CLSTN3: variants seen among roughly 807,000 people sequenced by gnomAD.
CLSTN3 encodes calsyntenin-3.
CLSTN3 carries 36 observed loss-of-function variants against 95.9 expected under a neutral mutation model. That is an observed-to-expected ratio of 0.38 (90% CI 0.29 to 0.50). The LOEUF (loss-of-function observed/expected upper bound fraction) is 0.50, where lower values mean the gene tolerates loss of function less well. CLSTN3 is among the 20% of genes least tolerant of loss of function. CLSTN3 has a pLI of 0.95. For missense variants in CLSTN3, 1,084 were observed against 1,268.8 expected (o/e 0.85, Z 2.21); for synonymous variants, 481 against 504.0 (o/e 0.95, Z 0.61).
At chr12:7,147,462 A>C (rs1258159555) in intron 12 of CLSTN3, among the ~76,000 whole-genome samples, 1 of 149,142 alleles carries the variant, frequency 6.7e-6, no homozygotes, top group Non-Finnish European at 1.5e-5. Flanking sequence ...ATTTAAGCCT[A>C]GACTCTGGTT....
chr12:7,149,619 T>A lies in CLSTN3; in HGVS notation c.2171T>A (p.Leu724Gln), dbSNP rs749043026. ...GACCTGGATCCCGAGCGGGAAAGCC[T>A]GCTCCTGGACACAACCTCTCTGCAG... is the stretch of plus-strand genomic sequence containing the variant. ...GDDLDPERES[L>Q]LLDTTSLQQR... Residue 724 changes from leucine to glutamine, a missense_variant, in exon 14 of 18, where the codon CTG becomes CAG. Transcript: ENST00000266546. The surrounding 1 kb of genome is among the most constrained non-coding windows in gnomAD (Gnocchi z 4.5). 6.2e-7 allele frequency: 1 copy of A among 1,613,964 alleles called. No individual in the cohort carries two copies. Among genetic ancestry groups the A allele is most frequent in the Non-Finnish European group, 8.5e-7 (1 of 1,179,950 alleles).
intron 16 of CLSTN3, among the ~76,000 whole-genome samples, chr12:7,154,488 G>A (rs1028073892): frequency 2.0e-5 from 3 of 152,182 alleles, no homozygotes; most frequent in Non-Finnish European, 2.9e-5. Flanking sequence ...TTGAGAACCG[G>A]GGGTAGATAG....
At chr12:7,152,058 G>GAAAAAAA (rs779248525) in intron 16 of CLSTN3, among the ~76,000 whole-genome samples, 10 of 67,758 alleles carry the variant, frequency 1.5e-4, no homozygotes, top group Admixed American at 4.8e-4. Context: ...TGTCTCAAAG[G>GAAAAAAA]AAAAAAAAAA....
chr12:7,155,310 C>A (rs1227340654), intron 16 of CLSTN3, among the ~76,000 whole-genome samples: 1 of 152,244 alleles, frequency 6.6e-6, no homozygotes, highest in Non-Finnish European at 1.5e-5. Flanking sequence ...ATTAACCAGA[C>A]TTGTTTGCTT....
rs1281264095 is a variant in CLSTN3 at position 7,148,182 on chromosome 12, AAG to A, written c.1848-788_1848-787del. Among the ~76,000 whole-genome samples the A allele has an allele frequency of 5.7e-5, 7 of 122,510 alleles. No individual in the cohort carries two copies. The South Asian group carries it at 2.1e-3, about 37-fold the overall frequency. The allele number at this position is 122,510 out of a possible 152,430, so 80.4% of individuals were successfully genotyped here. A position where few individuals can be genotyped will look rare whatever the true frequency, so the allele number is the denominator to read the frequency against. On this transcript the variant is annotated intron_variant, in intron 12 of 17. Transcript: ENST00000266546. ...AAAGAAAGAAAGAAAGAAAGAAAGA[AAG>A]AAAGAAAGAAAGAAAGAAAGAAAGA... is the stretch of plus-strand genomic sequence containing the variant.
chr12:7,157,070 T>C lies in CLSTN3; in HGVS notation c.2528-419T>C, dbSNP rs1237290239. 6.9e-5 allele frequency: 25 copies of C among 360,650 alleles called. No homozygotes were observed. Among genetic ancestry groups the C allele is most frequent in the Non-Finnish European group, 4.9e-5 (9 of 184,504 alleles). 22.3% of individuals were successfully genotyped at this position (360,650 alleles called of 1,614,324 possible). On this transcript the variant is annotated intron_variant, in intron 16 of 17. Transcript: ENST00000266546. The surrounding 1 kb of genome is among the most constrained non-coding windows in gnomAD (Gnocchi z 5.9). ...CAAGCCCGTGTGGGGGCCCCTCCTC[T>C]CCCTCACTGGGCACTGGCACCTCTT...
rs993419132 is a variant in CLSTN3 at position 7,150,382 on chromosome 12, G to A, written c.2246-162G>A. 5.7e-6 allele frequency: 4 copies of A among 706,364 alleles called. No homozygotes were observed. The highest frequency in any genetic ancestry group is 5.3e-5 in the African/African-American group (3 of 56,220). 43.8% of individuals were successfully genotyped at this position (706,364 alleles called of 1,614,324 possible). A position where few individuals can be genotyped will look rare whatever the true frequency, so the allele number is the denominator to read the frequency against. Reference sequence around the variant, plus strand: ...GTTAGTCAGAGTGGGCAGGGATGGAGGGGAGCATCCCTCCCTTCGACCTCA... The same window carrying A: ...GTTAGTCAGAGTGGGCAGGGATGGAAGGGAGCATCCCTCCCTTCGACCTCA... On this transcript the variant is annotated intron_variant, in intron 14 of 17. Transcript: ENST00000266546. The surrounding 1 kb of genome is among the most constrained non-coding windows in gnomAD (Gnocchi z 4.0).
In CLSTN3 at chr12:7,143,294, C is replaced by T; in HGVS notation, c.1830C>T (p.Arg610=). The T allele has an allele frequency of 1.9e-6, 3 of 1,609,916 alleles. No homozygotes were observed. Among genetic ancestry groups the T allele is most frequent in the Non-Finnish European group, 2.5e-6 (3 of 1,179,852 alleles). The change falls in exon 12 of 18, where the codon CGC becomes CGT. Residue 610 remains arginine (R), a synonymous_variant. Coordinates refer to ENST00000266546, the MANE Select transcript of CLSTN3 (RefSeq NM_014718.4). ...RFATPGVRPL[R]LTTAVKCFSE... is the part of the protein sequence containing the mutation. ...CCACGCCCGGCGTCAGGCCCCTGCG[C>T]CTCACCACTGCTGTCAAGTGAGTGT...
At chr12:7,134,248 T>C (rs1939362227) in intron 3 of CLSTN3, among the ~76,000 whole-genome samples, 1 of 152,186 alleles carries the variant, frequency 6.6e-6, no homozygotes, top group South Asian at 2.1e-4. Context: ...CCCTCCAGTC[T>C]ATTTGCAGTG....
At chr12:7,154,916 G>T (rs1471351033) in intron 16 of CLSTN3, among the ~76,000 whole-genome samples, 1 of 152,170 alleles carries the variant, frequency 6.6e-6, no homozygotes, top group Non-Finnish European at 1.5e-5. Flanking sequence ...TTGCTACCAC[G>T]GGCCAGAATT....
In CLSTN3 at chr12:7,133,175, G is replaced by A; in HGVS notation, c.187+29G>A. On this transcript the variant is annotated intron_variant, in intron 2 of 17. Coordinates refer to ENST00000266546, the MANE Select transcript of CLSTN3 (RefSeq NM_014718.4). This position sits in a 1 kb window ranked among gnomAD's most constrained non-coding sequence, Gnocchi z 4.7. ...ATTGGGATTGGGGGATGGCAAGGCA[G>A]GGTAGGACAGAGAAAAGTGGGTGGG... 6.2e-7 allele frequency: 1 copy of A among 1,612,490 alleles called. No individual in the cohort carries two copies. The highest frequency in any genetic ancestry group is 8.5e-7 in the Non-Finnish European group (1 of 1,178,752).
chr12:7,146,752 C>G (rs991401155), intron 12 of CLSTN3, among the ~76,000 whole-genome samples: 1 of 152,196 alleles, frequency 6.6e-6, no homozygotes, highest in Non-Finnish European at 1.5e-5. Context: ...CCAACGGTGC[C>G]TTTGGGTCAG....
Position 7,158,302 on chromosome 12 carries a change from G to T in CLSTN3, c.*221G>T. On this transcript the variant is annotated 3_prime_UTR_variant, in exon 18 of 18. Transcript: ENST00000266546. ...TTCTGGGCTGTCATGCTCCTGGTGT[G>T]CCCCTTGCACTGGGGCTGGCTGGGT... is the stretch of plus-strand genomic sequence containing the variant. The T allele has an allele frequency of 5.8e-6, 3 of 514,054 alleles. No homozygotes were observed. Among genetic ancestry groups the T allele is most frequent in the Non-Finnish European group, 1.0e-5 (3 of 298,646 alleles). The allele number at this position is 514,054 out of a possible 1,614,324, so 31.8% of individuals were successfully genotyped here. A position where few individuals can be genotyped will look rare whatever the true frequency, so the allele number is the denominator to read the frequency against.
rs1351999372 is a variant in CLSTN3 at position 7,157,606 on chromosome 12, G to A, written c.2645G>A (p.Gly882Glu). 2.5e-6 allele frequency: 4 copies of A among 1,611,058 alleles called. No homozygotes were observed. Among genetic ancestry groups the A allele is most frequent in the Non-Finnish European group, 3.4e-6 (4 of 1,178,756 alleles). The change falls in exon 17 of 18, where the codon GGG (glycine) becomes GAG (glutamate). Residue 882 changes from glycine to glutamate, a missense_variant. Physicochemically the swap from Gly to Glu is moderately conservative, Grantham distance 98. Transcript: ENST00000266546. The surrounding 1 kb of genome is among the most constrained non-coding windows in gnomAD (Gnocchi z 5.9). ...SLHRRVSGAGGPPGASSDPKD... is the reference protein window; with the variant it reads ...SLHRRVSGAGEPPGASSDPKD... ...CACCGCCGCGTCTCAGGGGCCGGCGGGCCTCCAGGGGCCTCCAGTGACCCC... is the reference window on the plus strand; with the variant it reads ...CACCGCCGCGTCTCAGGGGCCGGCGAGCCTCCAGGGGCCTCCAGTGACCCC...
chr12:7,136,983 G>C lies in CLSTN3; in HGVS notation c.1083G>C (p.Gly361=), dbSNP rs1320288194. 1 of 1,614,092 alleles carries C rather than the reference G, an allele frequency of 6.2e-7. No individual in the cohort carries two copies. Among genetic ancestry groups the C allele is most frequent in the African/African-American group, 1.3e-5 (1 of 74,940 alleles). The change falls in exon 7 of 18, where the codon GGG becomes GGC. Residue 361 remains glycine (G), a synonymous_variant. Coordinates refer to ENST00000266546, the MANE Select transcript of CLSTN3 (RefSeq NM_014718.4). ...AGGTGCCCCTGGGTGGCCCCAGTGG[G>C]CTGGGCTCTGGGCCCCAGGACAGCC... The part of the protein sequence containing the change: ...AVQVPLGGPS[G]LGSGPQDSLS...
chr12:7,155,923 C>T (rs1162456879), intron 16 of CLSTN3: 5 of 269,746 alleles, frequency 1.9e-5, no homozygotes, highest in African/African-American at 6.8e-5. Flanking sequence ...GTGCTGGCTG[C>T]TGGGGAGAGG....
chr12:7,145,066 C>A (rs970382631), intron 12 of CLSTN3, among the ~76,000 whole-genome samples: 4 of 152,160 alleles, frequency 2.6e-5, no homozygotes, highest in Admixed American at 2.6e-4. Flanking sequence ...GAAGGGAGGG[C>A]TCTGGTTTTT....
At chr12:7,156,334 A>T (rs1939814655) in intron 16 of CLSTN3, 1 of 456,866 alleles carries the variant, frequency 2.2e-6, no homozygotes, top group African/African-American at 2.0e-5. Context: ...TGCTTCTTCG[A>T]GAGCTGTGTG....
chr12:7,148,906 C>T, intron 12 of CLSTN3, 66 bp from the exon 13 acceptor site: 2 of 1,389,734 alleles, frequency 1.4e-6, no homozygotes, highest in South Asian at 1.2e-5. Context: ...GGGAGTGAAA[C>T]AGAATGTGGG....
Sources: allele counts gnomAD v4.1 joint callset (sites outside exome capture counted in the v4.1 genomes callset), GRCh38; gene constraint gnomAD v4.1.1; non-coding constraint Gnocchi (gnomAD v3.1); transcripts MANE v1.5; gene names NCBI Gene and HGNC (gene_info 2026-07-23, HGNC 2026-07-21).